Variants in KCNIP4 observed in about 807,000 individuals in gnomAD.
KCNIP4 encodes the protein Kv channel-interacting protein 4.
In KCNIP4, 12 loss-of-function variants were observed where a neutral mutation model predicts 34.0. The observed-to-expected ratio is 0.35, with a 90% CI of 0.23 to 0.57. The LOEUF (loss-of-function observed/expected upper bound fraction) is 0.57. Among genes scored for constraint, KCNIP4 ranks in the 20% least tolerant of loss-of-function variants. The pLI is 0.83. For synonymous variants in KCNIP4, 124 were observed against 102.2 expected, an observed-to-expected ratio of 1.21 and a Z score of -1.29; for missense variants, 238 against 311.7, an observed-to-expected ratio of 0.76 and a Z score of 1.78.
At chr4:20,983,458 C>A (rs1736283899) in intron 1 of KCNIP4, among the ~76,000 whole-genome samples, 1 of 152,174 alleles carries the variant, frequency 6.6e-6, no homozygotes, top group African/African-American at 2.4e-5. Flanking sequence ...AGGATGAAAT[C>A]ACTAATGACA....
chr4:21,338,803 C>A (rs184109480), intron 1 of KCNIP4, among the ~76,000 whole-genome samples: 79 of 152,108 alleles, frequency 5.2e-4, no homozygotes, highest in Non-Finnish European at 1.0e-3. Flanking sequence ...TCTACTAACA[C>A]CCTTCTCTGA....
chr4:21,928,146 A>ACG (rs528390463), intron 1 of KCNIP4, among the ~76,000 whole-genome samples: 1 of 150,976 alleles, frequency 6.6e-6, no homozygotes, highest in Non-Finnish European at 1.5e-5. Context: ...ACACACACAC[A>ACG]CCATACTGAA....
intron 1 of KCNIP4, among the ~76,000 whole-genome samples, chr4:21,548,495 C>A (rs1738312740): frequency 2.6e-5 from 4 of 151,988 alleles, no homozygotes; most frequent in Admixed American, 2.0e-4. Context: ...TAACACATCA[C>A]TGTTGCATAT....
intron 1 of KCNIP4, among the ~76,000 whole-genome samples, chr4:21,835,989 C>T (rs955105622): frequency 4.6e-5 from 7 of 152,006 alleles, no homozygotes; most frequent in African/African-American, 1.7e-4. Context: ...AAATATATGG[C>T]TTATGGGTAC....
chr4:21,201,065 G>A (rs1183600765), intron 1 of KCNIP4, among the ~76,000 whole-genome samples: 1 of 152,090 alleles, frequency 6.6e-6, no homozygotes, highest in Non-Finnish European at 1.5e-5. Flanking sequence ...TCAAAAAAAT[G>A]GGCTTTAATC....
At chr4:21,933,996 C>T (rs1353265290) in intron 1 of KCNIP4, among the ~76,000 whole-genome samples, 1 of 152,058 alleles carries the variant, frequency 6.6e-6, no homozygotes, top group African/African-American at 2.4e-5. Context: ...GGATTCATGA[C>T]TTATTCTGGC....
chr4:21,143,363 G>A (rs141129875), intron 1 of KCNIP4, among the ~76,000 whole-genome samples: 74 of 152,304 alleles, frequency 4.9e-4, no homozygotes, highest in African/African-American at 1.6e-3. Context: ...GTCTCTAGGA[G>A]TGGAGAGTGA....
At chr4:21,269,012 G>C (rs564293561) in intron 1 of KCNIP4, among the ~76,000 whole-genome samples, 1 of 152,272 alleles carries the variant, frequency 6.6e-6, no homozygotes, top group African/African-American at 2.4e-5. Context: ...GAAAAATAAA[G>C]CACACAAGAT....
At chr4:21,754,156 GT>G (rs993200014) in intron 1 of KCNIP4, among the ~76,000 whole-genome samples, 2 of 152,034 alleles carry the variant, frequency 1.3e-5, no homozygotes, top group African/African-American at 2.4e-5. Context: ...TTTCTGTGTC[GT>G]TTTTTTCTTA....
At chr4:21,905,431 T>G (rs1727941990) in intron 1 of KCNIP4, among the ~76,000 whole-genome samples, 1 of 152,032 alleles carries the variant, frequency 6.6e-6, no homozygotes, top group Admixed American at 6.6e-5. Flanking sequence ...ATACTTTAAG[T>G]TTTAGGGTAC....
intron 1 of KCNIP4, among the ~76,000 whole-genome samples, chr4:20,885,862 T>G (rs1338250985): frequency 6.6e-6 from 1 of 152,218 alleles, no homozygotes; most frequent in Non-Finnish European, 1.5e-5. Flanking sequence ...TGCTATTATC[T>G]GAATCTAAAC....
At chr4:21,622,998 G>A (rs1229191817) in intron 1 of KCNIP4, among the ~76,000 whole-genome samples, 3 of 152,082 alleles carry the variant, frequency 2.0e-5, no homozygotes, top group East Asian at 1.9e-4. Flanking sequence ...CAATATGATG[G>A]AGCTTATGAC....
At chr4:21,055,766 G>A (rs1044847524) in intron 1 of KCNIP4, among the ~76,000 whole-genome samples, 2 of 152,158 alleles carry the variant, frequency 1.3e-5, no homozygotes, top group Non-Finnish European at 2.9e-5. Flanking sequence ...AAAATGATAA[G>A]TGGCTACCAA....
intron 1 of KCNIP4, among the ~76,000 whole-genome samples, chr4:20,922,732 T>G (rs1170523624): frequency 6.6e-6 from 1 of 152,178 alleles, no homozygotes; most frequent in Non-Finnish European, 1.5e-5. Flanking sequence ...TGTACTCAAG[T>G]ATAAAATATG....
intron 1 of KCNIP4, among the ~76,000 whole-genome samples, chr4:21,130,496 T>C (rs1211795999): frequency 3.9e-5 from 6 of 152,192 alleles, no homozygotes; most frequent in South Asian, 2.1e-4. Flanking sequence ...AATTTCTCTG[T>C]GCTTCATGCT....
intron 1 of KCNIP4, among the ~76,000 whole-genome samples, chr4:21,201,936 T>C (rs1756528795): frequency 6.6e-6 from 1 of 152,274 alleles, no homozygotes; most frequent in East Asian, 1.9e-4. Flanking sequence ...TCACCCATCA[T>C]AATTTTATAA....
chr4:21,858,803 T>C lies in KCNIP4; in HGVS notation c.61+89768A>G, dbSNP rs373035983. ...TTTAACAGTATTTAGGAAATCCTAC[T>C]GATTACTGTTTTAAGACAACTTATT... is the stretch of plus-strand genomic sequence containing the variant. On this transcript the variant is annotated intron_variant, in intron 1 of 8. Coordinates refer to ENST00000382152, the MANE Select transcript of KCNIP4 (RefSeq NM_025221.6). Among the ~76,000 whole-genome samples, 326 of 152,332 alleles carry C rather than the reference T, an allele frequency of 2.1e-3. 1 individual carries two copies. Among genetic ancestry groups the C allele is most frequent in the South Asian group, 6.8e-3 (33 of 4,826 alleles).
At chr4:20,773,235 T>C (rs1309066339) in intron 3 of KCNIP4, among the ~76,000 whole-genome samples, 3 of 152,210 alleles carry the variant, frequency 2.0e-5, no homozygotes, top group African/African-American at 4.8e-5. Context: ...CACTCATTTA[T>C]GCAGGACGTA....
intron 1 of KCNIP4, among the ~76,000 whole-genome samples, chr4:21,702,894 A>T (rs944122505): frequency 1.2e-4 from 19 of 152,078 alleles, no homozygotes; most frequent in African/African-American, 4.6e-4. Flanking sequence ...ATAAAAAGAA[A>T]TATATATTAT....
Sources: gnomAD v4.1 joint callset for allele counts (sites outside exome capture counted in the v4.1 genomes callset) on GRCh38, gnomAD v4.1.1 for gene constraint, MANE v1.5 for transcripts, NCBI Gene and HGNC (gene_info 2026-07-23, HGNC 2026-07-21) for gene names.